The following CNOT6 variants were observed in gnomAD, a reference collection of about 807,000 sequenced individuals.
CNOT6 encodes the protein CCR4-NOT transcription complex subunit 6.
Under a neutral mutation model 61.2 loss-of-function variants are expected in CNOT6, and 12 were observed. The ratio of observed to expected loss-of-function variants is 0.20; its 90% CI spans 0.13 to 0.32. The LOEUF is 0.32. Ranked by LOEUF, CNOT6 falls within the 10% of genes least tolerant of loss-of-function variation. CNOT6 has a pLI of 1.00. For synonymous variants in CNOT6, 225 were observed against 240.6 expected (o/e 0.94, Z 0.60); for missense variants, 405 against 663.9 (o/e 0.61, Z 4.28).
chr5:180,541,441 A>ATTTT lies in CNOT6; in HGVS notation c.113-8465_113-8462dup, dbSNP rs1163850404. ...ATGAACCACCACAACTGGCCAAGAA[A>ATTTT]TTTTTTTTTTTTTTTTTTTTTTTTT... On this transcript the variant is annotated intron_variant, in intron 2 of 11. Coordinates refer to ENST00000261951, the MANE Select transcript of CNOT6 (RefSeq NM_001370472.1). 9.4e-4 allele frequency among the ~76,000 whole-genome samples: 100 copies of ATTTT among 106,568 alleles called. 6 individuals carry two copies. Among genetic ancestry groups the ATTTT allele is most frequent in the African/African-American group, 3.1e-3 (75 of 24,578 alleles). The allele number at this position is 106,568 out of a possible 152,430, so 69.9% of individuals were successfully genotyped here.
chr5:180,496,507 A>T (rs775800387), intron 1 of CNOT6, among the ~76,000 whole-genome samples: 6 of 152,148 alleles, frequency 3.9e-5, no homozygotes, highest in African/African-American at 1.4e-4. Flanking sequence ...GTCACTTCTC[A>T]GTCGATGAAC....
intron 2 of CNOT6, among the ~76,000 whole-genome samples, chr5:180,531,261 T>TTG (rs1297322359): frequency 4.4e-4 from 65 of 146,742 alleles, no homozygotes; most frequent in Middle Eastern, 7.8e-3. Flanking sequence ...GCTCCTCACT[T>TTG]CTCAGACGGG....
intron 1 of CNOT6, among the ~76,000 whole-genome samples, chr5:180,525,372 A>G (rs755765584): frequency 4.4e-4 from 67 of 151,998 alleles, no homozygotes; most frequent in Non-Finnish European, 7.5e-4. Flanking sequence ...ACCAATCTCT[A>G]CAAAAAAAAT....
chr5:180,556,897 A>C (rs892353028), intron 4 of CNOT6, among the ~76,000 whole-genome samples: 1 of 152,000 alleles, frequency 6.6e-6, no homozygotes, highest in African/African-American at 2.4e-5. Context: ...TGGAGGTTGC[A>C]GTGAGCCGAG....
chr5:180,549,213 G>C (rs1759464884), intron 2 of CNOT6, among the ~76,000 whole-genome samples: 1 of 152,154 alleles, frequency 6.6e-6, no homozygotes. Context: ...CAAAATTCTT[G>C]TTTTCTGGAG....
At chr5:180,535,447 C>T (rs1414460320) in intron 2 of CNOT6, among the ~76,000 whole-genome samples, 3 of 152,174 alleles carry the variant, frequency 2.0e-5, no homozygotes, top group African/African-American at 4.8e-5. Context: ...CTTAGGATAA[C>T]GGCCTCCAGT....
At chr5:180,502,397 A>G (rs976149761) in intron 1 of CNOT6, among the ~76,000 whole-genome samples, 5 of 152,218 alleles carry the variant, frequency 3.3e-5, no homozygotes, top group Admixed American at 2.6e-4. Flanking sequence ...TTAGCGGTAG[A>G]GATTATCTGA....
rs1760944868 is a variant in CNOT6 at position 180,575,050 on chromosome 5, T to G, written c.*850T>G. The G allele has an allele frequency of 6.6e-6, 1 of 152,640 alleles. No homozygotes were observed. Among genetic ancestry groups the G allele is most frequent in the South Asian group, 2.1e-4 (1 of 4,828 alleles). The allele number at this position is 152,640 out of a possible 1,614,324, so 9.5% of individuals were successfully genotyped here. A position where few individuals can be genotyped will look rare whatever the true frequency, so the allele number is the denominator to read the frequency against. On this transcript the variant is annotated 3_prime_UTR_variant, in exon 12 of 12. Coordinates refer to ENST00000261951, the MANE Select transcript of CNOT6 (RefSeq NM_001370472.1). ...ATATGTACATTCTGATATTTTTAAA[T>G]CTTTAACTTTTTAAAGTTAAAAACC...
At chr5:180,542,596 C>A (rs72812971) in intron 2 of CNOT6, among the ~76,000 whole-genome samples, 2,884 of 152,240 alleles carry the variant, frequency 0.019, 38 homozygotes, top group Non-Finnish European at 0.027. Context: ...TCTGCAAATG[C>A]ATAGTTATTT....
intron 1 of CNOT6, among the ~76,000 whole-genome samples, chr5:180,515,572 G>A (rs890614920): frequency 5.3e-5 from 8 of 152,142 alleles, no homozygotes; most frequent in East Asian, 1.9e-4. Flanking sequence ...GAAGGTAATC[G>A]ATGGCAGTGT....
intron 10 of CNOT6, among the ~76,000 whole-genome samples, chr5:180,570,019 A>G (rs946715758): frequency 1.3e-5 from 2 of 152,156 alleles, no homozygotes; most frequent in African/African-American, 4.8e-5. Flanking sequence ...ACACACGCAC[A>G]TTTGGAAGCA....
chr5:180,561,638 G>T (rs1561661875), intron 4 of CNOT6, among the ~76,000 whole-genome samples: 1 of 152,092 alleles, frequency 6.6e-6, no homozygotes, highest in Non-Finnish European at 1.5e-5. Flanking sequence ...CTGTGACAAG[G>T]GAACCAGGCA....
chr5:180,531,749 G>A (rs946693006), intron 2 of CNOT6, among the ~76,000 whole-genome samples: 3 of 152,230 alleles, frequency 2.0e-5, no homozygotes, highest in South Asian at 4.1e-4. Context: ...TCGGGAGGCC[G>A]AGGCAGGCAG....
At chr5:180,564,170 C>T (rs1237691098) in intron 4 of CNOT6, among the ~76,000 whole-genome samples, 3 of 152,158 alleles carry the variant, frequency 2.0e-5, no homozygotes, top group Non-Finnish European at 4.4e-5. Flanking sequence ...CTGCCCCGTT[C>T]GTGTTTTGCT....
intron 3 of CNOT6, among the ~76,000 whole-genome samples, chr5:180,550,376 G>A (rs1240178638): frequency 4.0e-5 from 6 of 151,642 alleles, no homozygotes; most frequent in Admixed American, 3.9e-4. Flanking sequence ...GTGTGAACCC[G>A]GGAGGTGGAG....
In CNOT6 at chr5:180,567,797, C is replaced by G. The variant is rs572631095; in HGVS notation, c.873-52C>G. The G allele has an allele frequency of 1.9e-6, 3 of 1,612,460 alleles. No individual in the cohort carries two copies. The African/African-American group carries it at 4.0e-5, about 22-fold the overall frequency. ...AAACTGCGTTTCCCACAAAGCTAACCTCTTGGTATTCCCAACTCTGTGTGT... is the reference window on the plus strand; with the variant it reads ...AAACTGCGTTTCCCACAAAGCTAACGTCTTGGTATTCCCAACTCTGTGTGT... On this transcript the variant is annotated intron_variant, in intron 8 of 11. Transcript: ENST00000261951.
At chr5:180,530,376 T>A (rs976395623) in intron 2 of CNOT6, among the ~76,000 whole-genome samples, 3 of 152,044 alleles carry the variant, frequency 2.0e-5, no homozygotes, top group Non-Finnish European at 4.4e-5. Context: ...AGACAAAACA[T>A]AACAAATCTA....
Position 180,494,514 on chromosome 5 carries a change from G to A in CNOT6, c.-252G>A, listed in dbSNP as rs1042902541. The A allele has an allele frequency of 6.5e-6, 1 of 153,962 alleles. No homozygotes were observed. Among genetic ancestry groups the A allele is most frequent in the African/African-American group, 2.4e-5 (1 of 41,214 alleles). 9.5% of individuals were successfully genotyped at this position (153,962 alleles called of 1,614,324 possible). A position where few individuals can be genotyped will look rare whatever the true frequency, so the allele number is the denominator to read the frequency against. ...AAGGCAGCGGCGGGCGCAGCGAGGAGGGCGAGGCCGGGGGCCGAGAGGGCG... is the reference window on the plus strand; with the variant it reads ...AAGGCAGCGGCGGGCGCAGCGAGGAAGGCGAGGCCGGGGGCCGAGAGGGCG... On this transcript the variant is annotated 5_prime_UTR_variant, in exon 1 of 12. Transcript: ENST00000261951.
At chr5:180,528,586 A>G (rs1758206562) in intron 1 of CNOT6, among the ~76,000 whole-genome samples, 2 of 152,092 alleles carry the variant, frequency 1.3e-5, no homozygotes. Context: ...AAGTGCTGGG[A>G]TTATAGGCGT....
Sources: gnomAD v4.1 joint callset for allele counts (sites outside exome capture counted in the v4.1 genomes callset) on GRCh38, gnomAD v4.1.1 for gene constraint, MANE v1.5 for transcripts, NCBI Gene and HGNC (gene_info 2026-07-23, HGNC 2026-07-21) for gene names.